TPX2: variants seen among roughly 807,000 people sequenced by gnomAD.
TPX2 encodes the protein TPX2 microtubule nucleation factor.
TPX2 carries 21 observed loss-of-function variants against 93.6 expected under a neutral mutation model. The ratio of observed to expected loss-of-function variants is 0.22; its 90% CI spans 0.16 to 0.32. The LOEUF is 0.32. Among genes scored for constraint, TPX2 ranks in the 10% least tolerant of loss-of-function variants. The pLI, the probability that TPX2 is intolerant of heterozygous loss-of-function variation, is 1.00. For synonymous variants in TPX2, 281 were observed against 298.3 expected (o/e 0.94, Z 0.60); for missense variants, 776 against 871.1 (o/e 0.89, Z 1.37).
chr20:31,763,191 T>G (rs1296356042), intron 4 of TPX2, among the ~76,000 whole-genome samples: 1 of 152,096 alleles, frequency 6.6e-6, no homozygotes. Context: ...TTAGGTTTTT[T>G]TTCTTGAGAC....
rs2062007360 is a variant in TPX2 at position 31,777,416 on chromosome 20, G to A, written c.731-71G>A. On this transcript the variant is annotated intron_variant, in intron 8 of 17. Coordinates refer to ENST00000300403, the MANE Select transcript of TPX2 (RefSeq NM_012112.5). ...TGGTGACAGAAATAGCAAAAGGACT[G>A]GAGTAAAGGGGATTTACTGGTGTTC... 11 of 1,531,070 alleles carry A rather than the reference G, an allele frequency of 7.2e-6. No individual in the cohort carries two copies. In the South Asian group the frequency reaches 1.2e-4, roughly 17 times the overall value. 94.8% of individuals were successfully genotyped at this position (1,531,070 alleles called of 1,614,324 possible). A position where few individuals can be genotyped will look rare whatever the true frequency, so the allele number is the denominator to read the frequency against.
chr20:31,757,089 A>G lies in TPX2; in HGVS notation c.-70-318A>G, dbSNP rs559713535. On this transcript the variant is annotated intron_variant, in intron 2 of 17. Transcript: ENST00000300403. The stretch of plus-strand genomic sequence containing the variant: ...ACTGTTATACTTAGAGATAATTTTA[A>G]TTTATTTAGAGACAGGGTCTGTCTA... Among the ~76,000 whole-genome samples, 3 of 152,014 alleles carry G rather than the reference A, an allele frequency of 2.0e-5. No homozygotes were observed. In the South Asian group the frequency reaches 6.2e-4, roughly 32 times the overall value.
At chr20:31,792,360 A>C (rs749499458) in intron 12 of TPX2, among the ~76,000 whole-genome samples, 2 of 152,208 alleles carry the variant, frequency 1.3e-5, no homozygotes, top group Non-Finnish European at 2.9e-5. Context: ...CTCTGTCTCA[A>C]AACAAACAAA....
At chr20:31,771,144 C>T (rs1216922086) in intron 6 of TPX2, among the ~76,000 whole-genome samples, 2 of 152,058 alleles carry the variant, frequency 1.3e-5, no homozygotes, top group African/African-American at 4.8e-5. Context: ...ACTTGGATTC[C>T]CTAGTTGCAG....
intron 12 of TPX2, among the ~76,000 whole-genome samples, chr20:31,788,116 A>G (rs1280961427): frequency 6.6e-6 from 1 of 152,082 alleles, no homozygotes; most frequent in Non-Finnish European, 1.5e-5. Flanking sequence ...TAAAAGAAAC[A>G]TTTATAAGAG....
intron 11 of TPX2, among the ~76,000 whole-genome samples, chr20:31,782,889 TACACAC>T (rs71926112): frequency 0.3 from 42,455 of 142,502 alleles, 6,291 homozygotes; most frequent in East Asian, 0.35. Flanking sequence ...CATACACACA[TACACAC>T]ACACACACAC....
intron 17 of TPX2, among the ~76,000 whole-genome samples, chr20:31,799,167 T>C (rs1166634366): frequency 2.6e-5 from 4 of 152,202 alleles, no homozygotes; most frequent in African/African-American, 9.7e-5. Flanking sequence ...TAGATGTTGG[T>C]TATCCAAAAA....
chr20:31,796,444 A>G (rs2062139294), intron 15 of TPX2, among the ~76,000 whole-genome samples: 1 of 152,264 alleles, frequency 6.6e-6, no homozygotes, highest in African/African-American at 2.4e-5. Context: ...TTTTTTAAAC[A>G]GTTGAATTGT....
intron 12 of TPX2, among the ~76,000 whole-genome samples, 163 bp from the exon 13 acceptor site, chr20:31,792,572 G>A (rs1322493334): frequency 6.6e-6 from 1 of 152,088 alleles, no homozygotes; most frequent in Non-Finnish European, 1.5e-5. Flanking sequence ...AGCACTTTGC[G>A]AGGCCAAGGC....
At chr20:31,743,159 G>C (rs963710308) in intron 2 of TPX2, among the ~76,000 whole-genome samples, 1 of 152,130 alleles carries the variant, frequency 6.6e-6, no homozygotes, top group Admixed American at 6.6e-5. Flanking sequence ...GGCTGCAAGT[G>C]AGCCAAGATC....
intron 3 of TPX2, among the ~76,000 whole-genome samples, chr20:31,758,667 G>A (rs2061867394): frequency 2.0e-5 from 3 of 152,140 alleles, no homozygotes; most frequent in African/African-American, 7.2e-5. Context: ...TATCCGTATA[G>A]TGCACTGTCC....
rs1056607323 is a variant in TPX2 at position 31,793,016 on chromosome 20, T to G, written c.1509+186T>G. Among the ~76,000 whole-genome samples the G allele has an allele frequency of 2.6e-5, 4 of 152,218 alleles. No homozygotes were observed. In the South Asian group the frequency reaches 8.3e-4, roughly 31 times the overall value. On this transcript the variant is annotated intron_variant, in intron 13 of 17. Coordinates refer to ENST00000300403, the MANE Select transcript of TPX2 (RefSeq NM_012112.5). ...AAGAACAAAGTAATTGGTAAGGGTA[T>G]GAATTTTCTGCTCTTAGTGATAACT...
intron 7 of TPX2, among the ~76,000 whole-genome samples, chr20:31,774,016 C>T (rs902978814): frequency 2.6e-5 from 4 of 152,046 alleles, no homozygotes; most frequent in African/African-American, 9.7e-5. Context: ...GGATTACTGG[C>T]ACTTGCCACT....
In TPX2 at chr20:31,777,622, A is replaced by C. The variant is rs770302830; in HGVS notation, c.866A>C (p.Lys289Thr). ...KEVNFTSELR[K>T]HPSSPARVTK... ...GTGAACTTTACATCTGAACTACGAA[A>C]GCATCCTTCATCTCCTGTAAGTTGA... The change falls in exon 9 of 18, where the codon AAG becomes ACG. Residue 289 changes from lysine to threonine, a missense_variant. Coordinates refer to ENST00000300403, the MANE Select transcript of TPX2 (RefSeq NM_012112.5). The C allele has an allele frequency of 5.0e-6, 8 of 1,613,896 alleles. No homozygotes were observed. Among genetic ancestry groups the C allele is most frequent in the Non-Finnish European group, 5.9e-6 (7 of 1,179,856 alleles).
intron 1 of TPX2, among the ~76,000 whole-genome samples, chr20:31,741,573 G>A (rs1178134540): frequency 6.6e-6 from 1 of 150,542 alleles, no homozygotes; most frequent in Non-Finnish European, 1.5e-5. Context: ...CCGCCTCCTG[G>A]GTTCAAGCAA....
chr20:31,784,823 C>T (rs1452148394), intron 12 of TPX2, among the ~76,000 whole-genome samples: 1 of 152,178 alleles, frequency 6.6e-6, no homozygotes, highest in Non-Finnish European at 1.5e-5. Context: ...TGGAGTTAAG[C>T]ACCTGCATAA....
intron 9 of TPX2, among the ~76,000 whole-genome samples, chr20:31,778,467 A>T (rs1158658071): frequency 2.0e-5 from 3 of 151,664 alleles, no homozygotes; most frequent in African/African-American, 4.8e-5. Flanking sequence ...TTTTTTTTTT[A>T]AAGTGGAGTT....
At chr20:31,758,622 G>T (rs1452100241) in intron 3 of TPX2, among the ~76,000 whole-genome samples, 2 of 152,200 alleles carry the variant, frequency 1.3e-5, no homozygotes, top group Non-Finnish European at 2.9e-5. Flanking sequence ...TGAATATGTG[G>T]TGGGGAACAG....
At chr20:31,786,841 G>T (rs2062070444) in intron 12 of TPX2, among the ~76,000 whole-genome samples, 1 of 152,164 alleles carries the variant, frequency 6.6e-6, no homozygotes. Context: ...GAGTAGTTGG[G>T]TACCAGGTTA....
Sources: gnomAD v4.1 joint callset for allele counts (sites outside exome capture counted in the v4.1 genomes callset) on GRCh38, gnomAD v4.1.1 for gene constraint, MANE v1.5 for transcripts, NCBI Gene and HGNC (gene_info 2026-07-23, HGNC 2026-07-21) for gene names.